CACNA2D3: variants seen among roughly 807,000 people sequenced by gnomAD.
CACNA2D3 encodes voltage-dependent calcium channel subunit alpha-2/delta-3.
In CACNA2D3, 60 loss-of-function variants were observed where a neutral mutation model predicts 160.6. The ratio of observed to expected loss-of-function variants is 0.37; its 90% CI spans 0.30 to 0.46. The LOEUF is 0.46. CACNA2D3 is among the 20% of genes least tolerant of loss of function. The pLI is 1.00. For synonymous variants in CACNA2D3, 558 were observed against 492.9 expected (o/e 1.13, Z -1.75); for missense variants, 1,205 against 1,365.0 (o/e 0.88, Z 1.85).
intron 2 of CACNA2D3, among the ~76,000 whole-genome samples, chr3:54,240,916 A>G (rs1701963222): frequency 6.6e-6 from 1 of 151,794 alleles, no homozygotes; most frequent in African/African-American, 2.4e-5. Flanking sequence ...TAATTTTTGT[A>G]TTTTGAGTAG....
intron 27 of CACNA2D3, among the ~76,000 whole-genome samples, chr3:54,932,802 G>A (rs952828623): frequency 7.9e-5 from 12 of 152,314 alleles, no homozygotes; most frequent in African/African-American, 9.6e-5. Flanking sequence ...GTGGTATGGC[G>A]ATCTAATGCC....
Position 54,267,862 on chromosome 3 carries a change from G to A in CACNA2D3, c.205-52580G>A, listed in dbSNP as rs556117205. ...AACCCTTATGATTTTTCAGGGATTT[G>A]CAATTCATCCATATAATGATTTTGG... is the stretch of plus-strand genomic sequence containing the variant. On this transcript the variant is annotated intron_variant, in intron 2 of 37. Coordinates refer to ENST00000474759, the MANE Select transcript of CACNA2D3 (RefSeq NM_018398.3). Among the ~76,000 whole-genome samples, 3 of 152,268 alleles carry A rather than the reference G, an allele frequency of 2.0e-5. No homozygotes were observed. In the East Asian group the frequency reaches 5.8e-4, roughly 29 times the overall value.
At chr3:54,536,264 A>G (rs1701887788) in intron 5 of CACNA2D3, among the ~76,000 whole-genome samples, 1 of 152,220 alleles carries the variant, frequency 6.6e-6, no homozygotes, top group African/African-American at 2.4e-5. Context: ...GGCATTTATC[A>G]GTATAGAGGT....
intron 34 of CACNA2D3, among the ~76,000 whole-genome samples, chr3:55,012,105 G>A (rs1455658416): frequency 6.6e-6 from 1 of 152,098 alleles, no homozygotes; most frequent in Non-Finnish European, 1.5e-5. Flanking sequence ...AGGCACCCTG[G>A]GTAGCCTTTC....
At chr3:54,975,476 A>G (rs1221132251) in intron 29 of CACNA2D3, among the ~76,000 whole-genome samples, 1 of 146,640 alleles carries the variant, frequency 6.8e-6, no homozygotes, top group African/African-American at 2.5e-5. Context: ...CTAACATCTC[A>G]TGCCACTGCA....
At chr3:54,416,672 C>T (rs1299225069) in intron 4 of CACNA2D3, among the ~76,000 whole-genome samples, 1 of 152,062 alleles carries the variant, frequency 6.6e-6, no homozygotes, top group Non-Finnish European at 1.5e-5. Flanking sequence ...TGACAGGAGA[C>T]CATTAGTGAA....
Position 54,402,692 on chromosome 3 carries a change from A to G in CACNA2D3, c.381+15918A>G, listed in dbSNP as rs1455371074. Reference sequence around the variant, plus strand: ...AATACAATAATAGTAAGGGACTTTAATATCCCACTTTCAACAATGGACAGA... The same window carrying G: ...AATACAATAATAGTAAGGGACTTTAGTATCCCACTTTCAACAATGGACAGA... On this transcript the variant is annotated intron_variant, in intron 4 of 37. Coordinates refer to ENST00000474759, the MANE Select transcript of CACNA2D3 (RefSeq NM_018398.3). 3.3e-5 allele frequency among the ~76,000 whole-genome samples: 5 copies of G among 152,328 alleles called. No individual in the cohort carries two copies. The East Asian group carries it at 9.6e-4, about 29-fold the overall frequency.
At chr3:54,233,598 G>C (rs553433543) in intron 2 of CACNA2D3, among the ~76,000 whole-genome samples, 1 of 152,186 alleles carries the variant, frequency 6.6e-6, no homozygotes. Flanking sequence ...GACTCTTTGT[G>C]CTTCACTTTC....
chr3:54,838,631 AC>A lies in CACNA2D3; in HGVS notation c.1536del (p.Ile513SerfsTer6). ...TDVPVKELLK[T>X]IPKYKLGIHG... ...TGTCCCAGTGAAAGAACTTCTGAAG[AC>A]CATCCCCAAATACAAGGTAATGAAT... On this transcript the variant is annotated frameshift_variant, in exon 16 of 38. Coordinates refer to ENST00000474759, the MANE Select transcript of CACNA2D3 (RefSeq NM_018398.3). LOFTEE classifies it high-confidence loss of function. The A allele has an allele frequency of 6.2e-7, 1 of 1,612,130 alleles. No individual in the cohort carries two copies. The highest frequency in any genetic ancestry group is 8.5e-7 in the Non-Finnish European group (1 of 1,178,184).
intron 2 of CACNA2D3, among the ~76,000 whole-genome samples, chr3:54,292,388 G>A (rs901708477): frequency 3.9e-5 from 6 of 151,992 alleles, no homozygotes; most frequent in Non-Finnish European, 5.9e-5. Flanking sequence ...GAAAGTGAAA[G>A]GTAACCTAGA....
chr3:54,598,864 C>T (rs1703010602), intron 9 of CACNA2D3, among the ~76,000 whole-genome samples: 1 of 152,114 alleles, frequency 6.6e-6, no homozygotes, highest in African/African-American at 2.4e-5. Flanking sequence ...ACCCAGAGTA[C>T]CTGGACCACT....
At chr3:54,645,620 A>AG (rs1269471171) in intron 11 of CACNA2D3, among the ~76,000 whole-genome samples, 1 of 152,102 alleles carries the variant, frequency 6.6e-6, no homozygotes, top group Non-Finnish European at 1.5e-5. Flanking sequence ...CCACTGCTCT[A>AG]GGGGAACAGG....
intron 5 of CACNA2D3, among the ~76,000 whole-genome samples, chr3:54,560,024 T>C (rs1485129795): frequency 6.6e-6 from 1 of 152,236 alleles, no homozygotes; most frequent in Admixed American, 6.5e-5. Flanking sequence ...TTTACTGTTG[T>C]GAGTAGTGCA....
chr3:54,882,701 C>T (rs749287763), intron 21 of CACNA2D3, among the ~76,000 whole-genome samples: 21 of 152,132 alleles, frequency 1.4e-4, no homozygotes, highest in Non-Finnish European at 2.8e-4. Flanking sequence ...AGCTGCTTCC[C>T]CTTGGGCCAA....
At chr3:54,411,766 C>T (rs1240638956) in intron 4 of CACNA2D3, among the ~76,000 whole-genome samples, 4 of 152,100 alleles carry the variant, frequency 2.6e-5, no homozygotes, top group Middle Eastern at 3.4e-3. Context: ...TGTTGTAATC[C>T]AGACGTCATG....
intron 9 of CACNA2D3, 69 bp from the exon 10 acceptor site, chr3:54,627,718 A>G (rs1344720062): frequency 4.3e-6 from 4 of 919,722 alleles, no homozygotes; most frequent in African/African-American, 1.6e-5. Flanking sequence ...GCGTACATCT[A>G]ATTCATTCAA....
chr3:54,297,594 T>G (rs1437377812), intron 2 of CACNA2D3, among the ~76,000 whole-genome samples: 1 of 152,122 alleles, frequency 6.6e-6, no homozygotes, highest in Non-Finnish European at 1.5e-5. Context: ...GTTTTGAGTT[T>G]GCTGAATATG....
At chr3:54,646,103 TTTCCTTCC>T (rs1347409828) in intron 11 of CACNA2D3, among the ~76,000 whole-genome samples, 5 of 135,222 alleles carry the variant, frequency 3.7e-5, no homozygotes, top group African/African-American at 1.6e-4. Context: ...GTGGGCAGGT[TTTCCTTCC>T]TTCCTTCCTT....
intron 15 of CACNA2D3, 78 bp from the exon 16 acceptor site, chr3:54,838,490 A>G: frequency 1.8e-6 from 2 of 1,125,366 alleles, no homozygotes; most frequent in Admixed American, 1.7e-5. Flanking sequence ...GGCAGACGGT[A>G]TGTGACTTCT....
Sources: gnomAD v4.1 joint callset for allele counts (sites outside exome capture counted in the v4.1 genomes callset) on GRCh38, gnomAD v4.1.1 for gene constraint, MANE v1.5 for transcripts, NCBI Gene and HGNC (gene_info 2026-07-23, HGNC 2026-07-21) for gene names.